COL6A5: variants seen among roughly 807,000 people sequenced by gnomAD.
COL6A5 encodes the protein collagen type VI alpha 5 chain.
In COL6A5, 48 loss-of-function variants were observed where a neutral mutation model predicts 65.6. The ratio of observed to expected loss-of-function variants is 0.73; its 90% CI spans 0.58 to 0.93. The LOEUF is 0.93. COL6A5 is among the 40% of genes least tolerant of loss of function. The pLI, the probability that COL6A5 is intolerant of heterozygous loss-of-function variation, is 0.00. For synonymous variants in COL6A5, 291 were observed against 322.8 expected, an observed-to-expected ratio of 0.90 and a Z score of 1.05; for missense variants, 914 against 928.3, an observed-to-expected ratio of 0.98 and a Z score of 0.20.
At chr3:130,380,714 G>A (rs754187961) in intron 4 of COL6A5, among the ~76,000 whole-genome samples, 2 of 152,040 alleles carry the variant, frequency 1.3e-5, no homozygotes, top group African/African-American at 2.4e-5. Context: ...AGCCAGGTGT[G>A]TCTAGTGGCT....
intron 1 of COL6A5, 137 bp from the exon 34 acceptor site, chr3:130,439,385 G>T: frequency 2.7e-5 from 15 of 549,524 alleles, no homozygotes; most frequent in African/African-American, 3.9e-5. Context: ...GTGTGAACAT[G>T]CACTGAATGG....
At chr3:130,348,295 C>G (rs1042287905) in intron 1 of COL6A5, among the ~76,000 whole-genome samples, 1 of 152,104 alleles carries the variant, frequency 6.6e-6, no homozygotes, top group Non-Finnish European at 1.5e-5. Flanking sequence ...CCTGACAGGC[C>G]CTGGTGTGTG....
intron 7 of COL6A5, among the ~76,000 whole-genome samples, chr3:130,476,120 G>A (rs1710090742): frequency 6.6e-6 from 1 of 152,104 alleles, no homozygotes; most frequent in Non-Finnish European, 1.5e-5. Flanking sequence ...TTTTCTCATA[G>A]TTGTGGAGGC....
At chr3:130,482,129 G>A (rs893547675) in intron 7 of COL6A5, among the ~76,000 whole-genome samples, 93 of 152,152 alleles carry the variant, frequency 6.1e-4, no homozygotes, top group Admixed American at 4.6e-4. Flanking sequence ...CCATACCTAT[G>A]TCCTGAATGG....
chr3:130,347,720 A>G (rs755176089), intron 1 of COL6A5, among the ~76,000 whole-genome samples: 1 of 152,198 alleles, frequency 6.6e-6, no homozygotes, highest in Non-Finnish European at 1.5e-5. Flanking sequence ...ACCCCGGAGC[A>G]TATACTCAGA....
chr3:130,483,634 C>A (rs1480022433), intron 7 of COL6A5, among the ~76,000 whole-genome samples: 3 of 152,000 alleles, frequency 2.0e-5, no homozygotes, highest in African/African-American at 7.3e-5. Flanking sequence ...GGGAGGGAGG[C>A]CCAGAAGGGG....
At chr3:130,454,908 A>G (rs1709531984) in intron 4 of COL6A5, among the ~76,000 whole-genome samples, 1 of 152,180 alleles carries the variant, frequency 6.6e-6, no homozygotes, top group African/African-American at 2.4e-5. Context: ...TGGGAGGCTG[A>G]GGAGGGAGGA....
At chr3:130,400,548 TG>T (rs139961473) in intron 10 of COL6A5, among the ~76,000 whole-genome samples, 3,596 of 152,312 alleles carry the variant, frequency 0.024, 144 homozygotes, top group African/African-American at 0.081. Flanking sequence ...CTGAGACAAT[TG>T]CCCTGGGCTT....
intron 20 of COL6A5, 77 bp downstream of exon 20, chr3:130,410,601 C>T: frequency 7.9e-7 from 1 of 1,259,832 alleles, no homozygotes; most frequent in Non-Finnish European, 1.1e-6. Flanking sequence ...ATTTGTTGTG[C>T]ACAGTTGGCT....
chr3:130,470,583 C>T (rs1709924555), intron 6 of COL6A5, among the ~76,000 whole-genome samples: 1 of 151,668 alleles, frequency 6.6e-6, no homozygotes, highest in South Asian at 2.1e-4. Context: ...GAAAGATCCT[C>T]CTTTTATAGA....
chr3:130,380,118 A>C, intron 4 of COL6A5, 68 bp downstream of exon 4: 5 of 1,157,056 alleles, frequency 4.3e-6, no homozygotes, highest in Non-Finnish European at 6.0e-6. Context: ...CTAGGGTGGG[A>C]GTGAGGATCA....
At chr3:130,422,553 A>G (rs1326531282) in intron 27 of COL6A5, among the ~76,000 whole-genome samples, 167 bp from the exon 28 acceptor site, 1 of 152,018 alleles carries the variant, frequency 6.6e-6, no homozygotes, top group Non-Finnish European at 1.5e-5. Flanking sequence ...AAGTGTACCA[A>G]TGACTTAGTT....
intron 3 of COL6A5, among the ~76,000 whole-genome samples, chr3:130,378,246 C>CT (rs1361769427): frequency 6.6e-6 from 1 of 152,116 alleles, no homozygotes; most frequent in African/African-American, 2.4e-5. Flanking sequence ...CAAATCCCCC[C>CT]TGTAACTTGT....
chr3:130,401,759 C>T lies in COL6A5; in HGVS notation c.4135-3C>T, dbSNP rs930072019. 6 of 1,547,392 alleles carry T rather than the reference C, an allele frequency of 3.9e-6. No homozygotes were observed. The African/African-American group carries it at 5.5e-5, about 14-fold the overall frequency. ...TCCCTCAGCTTTACTTTTTTTCCCCCAGGGAAATATTGCAGAGAGGACTTG... is the reference window on the plus strand; with the variant it reads ...TCCCTCAGCTTTACTTTTTTTCCCCTAGGGAAATATTGCAGAGAGGACTTG... On this transcript the variant is annotated splice_polypyrimidine_tract_variant and splice_region_variant and intron_variant and NMD_transcript_variant, in intron 11 of 41. Transcript: ENST00000312481.
intron 1 of COL6A5, among the ~76,000 whole-genome samples, chr3:130,349,897 A>G (rs796799922): frequency 1.1e-4 from 16 of 152,312 alleles, no homozygotes; most frequent in African/African-American, 3.1e-4. Context: ...CTACCTTTCT[A>G]TTCTACCTTC....
chr3:130,484,800 A>T (rs935415323), exon 8 of COL6A5: 1 of 398,740 alleles, frequency 2.5e-6, no homozygotes, highest in Non-Finnish European at 4.4e-6. Flanking sequence ...GGGAATTACA[A>T]TGTAGCAAGA....
chr3:130,384,995 GA>G, exon 5 of COL6A5: 1 of 1,550,748 alleles, frequency 6.4e-7, no homozygotes, highest in Non-Finnish European at 8.7e-7. Context: ...TTATATCACT[GA>G]CTATTCTAAT....
intron 1 of COL6A5, among the ~76,000 whole-genome samples, chr3:130,349,858 A>C (rs1934636580): frequency 6.6e-6 from 1 of 152,224 alleles, no homozygotes; most frequent in Admixed American, 6.5e-5. Flanking sequence ...GGTAGGCAGT[A>C]CATGGTTATT....
intron 1 of COL6A5, among the ~76,000 whole-genome samples, chr3:130,357,911 C>T (rs1462323325): frequency 3.9e-5 from 6 of 152,080 alleles, no homozygotes; most frequent in Non-Finnish European, 8.8e-5. Context: ...ATTAACTGGC[C>T]GAGCATGGTG....
Sources: allele counts gnomAD v4.1 joint callset (sites outside exome capture counted in the v4.1 genomes callset), GRCh38; gene constraint gnomAD v4.1.1; transcripts MANE v1.5; gene names NCBI Gene and HGNC (gene_info 2026-07-23, HGNC 2026-07-21).